KCNJ6: variants seen among roughly 807,000 people sequenced by gnomAD.
The protein encoded by KCNJ6 is G protein-activated inward rectifier potassium channel 2.
KCNJ6 carries 9 observed loss-of-function variants against 34.2 expected under a neutral mutation model. That is an observed-to-expected ratio of 0.26 (90% CI 0.16 to 0.46). The LOEUF (loss-of-function observed/expected upper bound fraction) is 0.46. KCNJ6 is among the 20% of genes least tolerant of loss of function. The pLI is 1.00. For missense variants in KCNJ6, 236 were observed against 531.3 expected, an observed-to-expected ratio of 0.44 and a Z score of 5.46; for synonymous variants, 196 against 207.1, an observed-to-expected ratio of 0.95 and a Z score of 0.46.
rs2054249177 is a variant in KCNJ6 at position 37,613,238 on chromosome 21, C to T, written c.*11921G>A. The T allele has an allele frequency of 6.6e-6, 1 of 152,134 alleles. No homozygotes were observed. Among genetic ancestry groups the T allele is most frequent in the African/African-American group, 2.4e-5 (1 of 41,424 alleles). 9.4% of individuals were successfully genotyped at this position (152,134 alleles called of 1,614,324 possible). On this transcript the variant is annotated 3_prime_UTR_variant, in exon 4 of 4. Coordinates refer to ENST00000609713, the MANE Select transcript of KCNJ6 (RefSeq NM_002240.5). ...ATTGCAAATTAAAACAGCAATGAAA[C>T]ACCACCGTACATCTTTTAGAATGGC...
chr21:37,866,097 T>A (rs2055621473), intron 1 of KCNJ6, among the ~76,000 whole-genome samples: 1 of 152,168 alleles, frequency 6.6e-6, no homozygotes. Context: ...ATAATCTGAG[T>A]GGGCCTGACT....
intron 2 of KCNJ6, among the ~76,000 whole-genome samples, chr21:37,722,279 G>A (rs1047090269): frequency 2.6e-5 from 4 of 152,146 alleles, no homozygotes; most frequent in African/African-American, 9.7e-5. Context: ...AAAACACTGT[G>A]GAAAGAAATC....
At chr21:37,687,160 C>T (rs1038934739) in intron 3 of KCNJ6, among the ~76,000 whole-genome samples, 2 of 151,954 alleles carry the variant, frequency 1.3e-5, no homozygotes, top group Non-Finnish European at 2.9e-5. Flanking sequence ...GCATGACAGG[C>T]GCCTCTTAAC....
Position 37,613,250 on chromosome 21 carries a change from T to G in KCNJ6, c.*11909A>C, listed in dbSNP as rs901038620. ...AACAGCAATGAAACACCACCGTACATCTTTTAGAATGGCCCAAATGCAGAT... is the reference window on the plus strand; with the variant it reads ...AACAGCAATGAAACACCACCGTACAGCTTTTAGAATGGCCCAAATGCAGAT... On this transcript the variant is annotated 3_prime_UTR_variant, in exon 4 of 4. Transcript: ENST00000609713. The G allele has an allele frequency of 1.3e-5, 2 of 152,166 alleles. No homozygotes were observed. The highest frequency in any genetic ancestry group is 2.9e-5 in the Non-Finnish European group (2 of 68,024). 9.4% of individuals were successfully genotyped at this position (152,166 alleles called of 1,614,324 possible).
At chr21:37,879,192 A>G (rs1482638550) in intron 1 of KCNJ6, among the ~76,000 whole-genome samples, 1 of 152,104 alleles carries the variant, frequency 6.6e-6, no homozygotes, top group African/African-American at 2.4e-5. Flanking sequence ...CCTTCCCCCA[A>G]ATTGCTCAGT....
chr21:37,643,865 C>T (rs571343214), intron 3 of KCNJ6, among the ~76,000 whole-genome samples: 2 of 152,302 alleles, frequency 1.3e-5, no homozygotes, highest in South Asian at 4.1e-4. Context: ...CCAGCAGTCC[C>T]ATTACTGGGT....
At chr21:37,910,113 C>G (rs967110216) in intron 1 of KCNJ6, among the ~76,000 whole-genome samples, 1 of 152,158 alleles carries the variant, frequency 6.6e-6, no homozygotes, top group African/African-American at 2.4e-5. Context: ...AATGAAGTCA[C>G]AGGAGCAGAG....
intron 2 of KCNJ6, among the ~76,000 whole-genome samples, chr21:37,803,531 T>C (rs2123534224): frequency 6.6e-6 from 1 of 152,292 alleles, no homozygotes; most frequent in African/African-American, 2.4e-5. Flanking sequence ...AAGTCTCTTC[T>C]TAGGACAGTG....
chr21:37,767,770 G>GT (rs1048737187), intron 2 of KCNJ6, among the ~76,000 whole-genome samples: 4 of 152,112 alleles, frequency 2.6e-5, no homozygotes, highest in South Asian at 4.1e-4. Context: ...CAAAAGGTTT[G>GT]TTTTTTTCTC....
intron 3 of KCNJ6, among the ~76,000 whole-genome samples, chr21:37,644,118 G>A (rs2054393170): frequency 6.6e-6 from 1 of 152,212 alleles, no homozygotes; most frequent in Non-Finnish European, 1.5e-5. Flanking sequence ...GCAAACTCAT[G>A]CAGAAACACA....
chr21:37,641,085 C>G (rs958979352), intron 3 of KCNJ6, among the ~76,000 whole-genome samples: 1 of 152,190 alleles, frequency 6.6e-6, no homozygotes, highest in Non-Finnish European at 1.5e-5. Flanking sequence ...CACACACTTT[C>G]ACAGTATCCA....
chr21:37,897,712 G>A (rs888760007), intron 1 of KCNJ6, among the ~76,000 whole-genome samples: 24 of 152,332 alleles, frequency 1.6e-4, no homozygotes, highest in Non-Finnish European at 2.9e-4. Context: ...CATCAGGGAA[G>A]TCTCTGCCTT....
intron 1 of KCNJ6, among the ~76,000 whole-genome samples, chr21:37,910,442 A>C (rs2055861887): frequency 6.6e-6 from 1 of 152,238 alleles, no homozygotes; most frequent in Non-Finnish European, 1.5e-5. Flanking sequence ...TTTAAAGAGG[A>C]AACTGCCACA....
chr21:37,691,134 A>G (rs191807385), intron 3 of KCNJ6, among the ~76,000 whole-genome samples: 22 of 152,338 alleles, frequency 1.4e-4, no homozygotes, highest in Admixed American at 1.2e-3. Context: ...CCTTTGAGGA[A>G]TAAGGACAGA....
chr21:37,744,424 A>G (rs2054956912), intron 2 of KCNJ6, among the ~76,000 whole-genome samples: 1 of 152,196 alleles, frequency 6.6e-6, no homozygotes, highest in African/African-American at 2.4e-5. Flanking sequence ...GGAAACAGAA[A>G]GAATGAGAGG....
chr21:37,777,702 C>T (rs567001733), intron 2 of KCNJ6, among the ~76,000 whole-genome samples: 3 of 152,248 alleles, frequency 2.0e-5, no homozygotes, highest in African/African-American at 4.8e-5. Flanking sequence ...ACATATCAGG[C>T]GTCACTTCTG....
At chr21:37,709,121 A>C (rs1470457602) in intron 3 of KCNJ6, among the ~76,000 whole-genome samples, 1 of 143,904 alleles carries the variant, frequency 6.9e-6, no homozygotes, top group African/African-American at 2.7e-5. Flanking sequence ...AAATGAATTG[A>C]TAACATTTGG....
At chr21:37,738,470 A>C (rs577545635) in intron 2 of KCNJ6, among the ~76,000 whole-genome samples, 1 of 152,252 alleles carries the variant, frequency 6.6e-6, no homozygotes, top group Non-Finnish European at 1.5e-5. Context: ...ACGCAAGTAC[A>C]TACACTAAAG....
intron 1 of KCNJ6, among the ~76,000 whole-genome samples, chr21:37,848,618 G>C (rs1483261936): frequency 6.6e-6 from 1 of 152,174 alleles, no homozygotes; most frequent in African/African-American, 2.4e-5. Flanking sequence ...TGAGTTATGA[G>C]GATATCTCAC....
Sources: gnomAD v4.1 joint callset for allele counts (sites outside exome capture counted in the v4.1 genomes callset) on GRCh38, gnomAD v4.1.1 for gene constraint, MANE v1.5 for transcripts, NCBI Gene and HGNC (gene_info 2026-07-23, HGNC 2026-07-21) for gene names.